Variants in STS observed in about 807,000 individuals in gnomAD.
STS encodes the protein steroid sulfatase.
Under a neutral mutation model 26.8 loss-of-function variants are expected in STS, and 7 were observed. That is an observed-to-expected ratio of 0.26 (90% confidence interval 0.15 to 0.49). The LOEUF (loss-of-function observed/expected upper bound fraction) is 0.49, where lower values mean the gene tolerates loss of function less well. Among genes scored for constraint, STS ranks in the 20% least tolerant of loss-of-function variants. STS has a pLI of 0.98. For synonymous variants in STS, 199 were observed against 189.4 expected, an observed-to-expected ratio of 1.05 and a Z score of -0.42; for missense variants, 434 against 465.6, an observed-to-expected ratio of 0.93 and a Z score of 0.63.
At chrX:7,268,269 A>G (rs1320886514) in intron 6 of STS, among the ~76,000 whole-genome samples, 1 of 112,100 alleles carries the variant, frequency 8.9e-6, no homozygotes, top group African/African-American at 3.2e-5. Flanking sequence ...ATGACAGCTG[A>G]TAAATGTATT....
At chrX:7,154,682 T>C (rs1269869652) in intron 1 of STS, among the ~76,000 whole-genome samples, 1 of 111,976 alleles carries the variant, frequency 8.9e-6, no homozygotes, top group East Asian at 2.8e-4. Flanking sequence ...GCAAAAACTA[T>C]CTATTAATAT....
chrX:7,299,051 A>T, intron 7 of STS, among the ~76,000 whole-genome samples: 1 of 43,920 alleles, frequency 2.3e-5, no homozygotes. Context: ...TTATATATAA[A>T]TAAATATATT....
At chrX:7,150,474 G>A (rs967857281) in intron 1 of STS, among the ~76,000 whole-genome samples, 2 of 111,085 alleles carry the variant, frequency 1.8e-5, no homozygotes, top group Admixed American at 1.9e-4. Flanking sequence ...GCCCACCTCG[G>A]CTTCCCAAAG....
At position 7,324,896 on chromosome X, in the gene STS, TC is replaced by T. The variant is rs751189387; in HGVS notation, c.1082-440del. Among the ~76,000 whole-genome samples, 36 of 111,819 alleles carry T rather than the reference TC, an allele frequency of 3.2e-4. No individual in the cohort carries two copies. In the East Asian group the frequency reaches 4.5e-3, roughly 14 times the overall value. ...AAAATCCTTAGTCACATGTTTAAAG[TC>T]CCTTTTGCCATATAAGGCAAAATAC... On this transcript the variant is annotated intron_variant, in intron 8 of 10. Coordinates refer to ENST00000674429, the MANE Select transcript of STS (RefSeq NM_001320752.2).
At chrX:7,299,960 C>G (rs1379957989) in intron 7 of STS, among the ~76,000 whole-genome samples, 1 of 111,712 alleles carries the variant, frequency 9.0e-6, no homozygotes, top group African/African-American at 3.3e-5. Flanking sequence ...TGTTTGAAAC[C>G]CTTCTCTCTC....
intron 1 of STS, among the ~76,000 whole-genome samples, chrX:7,152,436 G>A (rs1197236186): frequency 2.7e-5 from 3 of 111,602 alleles, no homozygotes; most frequent in African/African-American, 9.8e-5. Context: ...TGTCACCTCA[G>A]CCTCCCAGGT....
chrX:7,257,289 A>G lies in STS; in HGVS notation c.185A>G (p.Gln62Arg). 1 of 1,211,703 alleles carries G rather than the reference A, an allele frequency of 8.3e-7. No homozygotes were observed. The highest frequency in any genetic ancestry group is 1.1e-6 in the Non-Finnish European group (1 of 895,386). The change falls in exon 4 of 11, where the codon CAG (glutamine) becomes CGG (arginine). Residue 62 changes from glutamine (Q) to arginine (R), a missense_variant. Transcript: ENST00000674429. Reference protein sequence around the residue: ...RLASGGVKLTQHLAASPLCTP... With the variant: ...RLASGGVKLTRHLAASPLCTP... The stretch of plus-strand genomic sequence containing the variant: ...GCCAGTGGGGGAGTGAAACTCACTC[A>G]GCACCTGGCAGCATCACCGCTGTGC...
rs754455725 is a variant in STS at position 7,234,877 on chromosome X, A to G, written c.-4-18319A>G. ...TTACAAAATCCTTCTATAATTCACT[A>G]TTACCAATGAAGAGATCATTTAAAC... is the stretch of plus-strand genomic sequence containing the variant. On this transcript the variant is annotated intron_variant, in intron 2 of 10. Transcript: ENST00000674429. Among the ~76,000 whole-genome samples, 224 of 111,828 alleles carry G rather than the reference A, an allele frequency of 2.0e-3. 1 individual carries two copies. Among genetic ancestry groups the G allele is most frequent in the African/African-American group, 6.6e-3 (204 of 30,767 alleles).
rs1332082849 is a variant in STS, at chrX:7,353,624, G to A, written c.*3363G>A. The A allele has an allele frequency of 9.0e-6, 1 of 110,682 alleles. No homozygotes were observed. Among genetic ancestry groups the A allele is most frequent in the Non-Finnish European group, 1.9e-5 (1 of 52,939 alleles). The allele number at this position is 110,682 out of a possible 1,213,427, so 9.1% of individuals were successfully genotyped here. On this transcript the variant is annotated 3_prime_UTR_variant, in exon 11 of 11. Transcript: ENST00000674429. ...TTCTCTCTTCTCTTTGTTTCAACTG[G>A]ATTCCTTTGGAAAACCAAACTAGTA...
chrX:7,273,553 T>C (rs1405220953), intron 6 of STS, among the ~76,000 whole-genome samples: 1 of 111,996 alleles, frequency 8.9e-6, no homozygotes, highest in Non-Finnish European at 1.9e-5. Flanking sequence ...GGAACGCTGC[T>C]CAGAGAGGCC....
intron 6 of STS, among the ~76,000 whole-genome samples, chrX:7,260,483 G>A (rs1406168813): frequency 9.0e-6 from 1 of 111,722 alleles, no homozygotes. Context: ...TTGGCTCACT[G>A]CAACCTCCAC....
chrX:7,215,662 G>T (rs1234235918), intron 2 of STS, among the ~76,000 whole-genome samples: 1 of 111,270 alleles, frequency 9.0e-6, no homozygotes, highest in East Asian at 2.8e-4. Flanking sequence ...GTTGTTTCTG[G>T]CCAAGGAAAG....
chrX:7,303,222 G>T (rs1235270459), intron 7 of STS, among the ~76,000 whole-genome samples: 1 of 110,900 alleles, frequency 9.0e-6, no homozygotes, highest in Non-Finnish European at 1.9e-5. Context: ...CGCTTGGCTG[G>T]CTCTCTCTCC....
At chrX:7,172,509 C>T (rs1263711586) in intron 1 of STS, among the ~76,000 whole-genome samples, 1 of 111,411 alleles carries the variant, frequency 9.0e-6, no homozygotes, top group Non-Finnish European at 1.9e-5. Context: ...CAAGTCAACA[C>T]CTGTCGTTGC....
intron 1 of STS, among the ~76,000 whole-genome samples, chrX:7,174,160 A>G (rs1933521492): frequency 1.8e-5 from 2 of 111,906 alleles, no homozygotes; most frequent in African/African-American, 6.5e-5. Context: ...AAAGAAAGCA[A>G]TGCGGCCCTA....
At chrX:7,208,029 A>G (rs747992083) in intron 2 of STS, among the ~76,000 whole-genome samples, 8 of 112,512 alleles carry the variant, frequency 7.1e-5, no homozygotes, top group Non-Finnish European at 1.5e-4. Context: ...ATTGGAATCA[A>G]CAACAAAGAG....
intron 8 of STS, among the ~76,000 whole-genome samples, chrX:7,309,773 TC>T (rs1433659157): frequency 5.4e-5 from 6 of 111,665 alleles, no homozygotes; most frequent in African/African-American, 2.0e-4. Flanking sequence ...TAGGACTGTT[TC>T]ATTTCTTTAA....
intron 10 of STS, among the ~76,000 whole-genome samples, chrX:7,337,281 T>C (rs1928078649): frequency 8.9e-6 from 1 of 112,314 alleles, no homozygotes; most frequent in African/African-American, 3.2e-5. Flanking sequence ...GTCTTAGCGC[T>C]GGCATCTGTC....
rs188434631 is a variant in STS at position 7,291,142 on chromosome X, G to A, written c.944-13904G>A. On this transcript the variant is annotated intron_variant, in intron 7 of 10. Coordinates refer to ENST00000674429, the MANE Select transcript of STS (RefSeq NM_001320752.2). ...AACTTTGTCATCTGAGATCATGTGA[G>A]CACGCCTCTCTGCCTGCAATCTGAA... Among the ~76,000 whole-genome samples the A allele has an allele frequency of 1.2e-3, 139 of 111,406 alleles. 1 individual carries two copies. Among genetic ancestry groups the A allele is most frequent in the African/African-American group, 4.5e-3 (137 of 30,614 alleles).
Sources: gnomAD v4.1 joint callset for allele counts (sites outside exome capture counted in the v4.1 genomes callset) on GRCh38, gnomAD v4.1.1 for gene constraint, MANE v1.5 for transcripts, NCBI Gene and HGNC (gene_info 2026-07-23, HGNC 2026-07-21) for gene names.